SETBP1: variants seen among roughly 807,000 people sequenced by gnomAD.
SETBP1 encodes the protein SET binding protein 1, also known as SET-binding protein.
Under a neutral mutation model 101.0 loss-of-function variants are expected in SETBP1, and 9 were observed. The observed-to-expected ratio is 0.09, with a 90% CI of 0.05 to 0.16. The LOEUF is 0.16. SETBP1 is among the 10% of genes least tolerant of loss of function. SETBP1 has a pLI of 1.00. For synonymous variants in SETBP1, 818 were observed against 788.5 expected, an observed-to-expected ratio of 1.04 and a Z score of -0.63; for missense variants, 1,858 against 2,033.8, an observed-to-expected ratio of 0.91 and a Z score of 1.66.
At chr18:44,770,248 T>TGA (rs1485471822) in intron 2 of SETBP1, among the ~76,000 whole-genome samples, 5 of 152,180 alleles carry the variant, frequency 3.3e-5, no homozygotes, top group Non-Finnish European at 4.4e-5. Context: ...CATGTTTGGA[T>TGA]GAGAGAGAGC....
At chr18:45,004,994 G>A (rs1383056552) in intron 4 of SETBP1, among the ~76,000 whole-genome samples, 2 of 152,174 alleles carry the variant, frequency 1.3e-5, no homozygotes, top group African/African-American at 4.8e-5. Context: ...GGATGTGATT[G>A]TTATTTTAAA....
rs575067509 is a variant in SETBP1, at chr18:44,972,945, G to A, written c.4000+19605G>A. 5.3e-5 allele frequency among the ~76,000 whole-genome samples: 8 copies of A among 152,270 alleles called. No homozygotes were observed. In the South Asian group the frequency reaches 1.7e-3, roughly 32 times the overall value. On this transcript the variant is annotated intron_variant, in intron 4 of 5. Coordinates refer to ENST00000649279, the MANE Select transcript of SETBP1 (RefSeq NM_015559.3). ...AGGAGTGGTGAGAGAGGGCATCCCTGTCTTGTGCCAGTTTTCAAAGGGAAT... is the reference window on the plus strand; with the variant it reads ...AGGAGTGGTGAGAGAGGGCATCCCTATCTTGTGCCAGTTTTCAAAGGGAAT...
intron 2 of SETBP1, among the ~76,000 whole-genome samples, chr18:44,806,623 CTTTTTTTTTTTTTTTTTTTTT>C (rs71177656): frequency 3.1e-3 from 85 of 27,830 alleles, no homozygotes; most frequent in African/African-American, 7.8e-3. Flanking sequence ...TAATGAGCTC[CTTTTTTTTTTTTTTTTTTTTT>C]TTTTTTTTTT....
chr18:44,713,338 C>T (rs570289435), intron 2 of SETBP1, among the ~76,000 whole-genome samples: 2 of 151,548 alleles, frequency 1.3e-5, no homozygotes, highest in African/African-American at 4.9e-5. Context: ...AAGGCCTTCA[C>T]GGGGGGGGAC....
At chr18:45,022,455 C>T (rs145197866) in intron 4 of SETBP1, among the ~76,000 whole-genome samples, 3 of 152,284 alleles carry the variant, frequency 2.0e-5, no homozygotes, top group African/African-American at 7.2e-5. Flanking sequence ...GTCCTTCCTC[C>T]CCAACAGTGA....
chr18:44,999,416 G>T (rs1165306819), intron 4 of SETBP1, among the ~76,000 whole-genome samples: 1 of 152,166 alleles, frequency 6.6e-6, no homozygotes, highest in Non-Finnish European at 1.5e-5. Context: ...CTCCTGTTTT[G>T]TTCTTAACAT....
intron 4 of SETBP1, among the ~76,000 whole-genome samples, chr18:45,011,252 C>T (rs1261684302): frequency 6.6e-6 from 1 of 152,136 alleles, no homozygotes. Context: ...CTAACATGCA[C>T]CACCTATCAG....
chr18:44,767,919 T>C (rs188768995), intron 2 of SETBP1, among the ~76,000 whole-genome samples: 4 of 152,346 alleles, frequency 2.6e-5, no homozygotes, highest in Admixed American at 6.5e-5. Context: ...TTTGAAACAG[T>C]GTCCTGAGAA....
At chr18:44,750,250 G>A (rs1399097845) in intron 2 of SETBP1, among the ~76,000 whole-genome samples, 2 of 152,202 alleles carry the variant, frequency 1.3e-5, no homozygotes, top group Admixed American at 6.5e-5. Flanking sequence ...TACATTCAAG[G>A]TGGCAGTAGA....
chr18:44,827,136 T>C lies in SETBP1; in HGVS notation c.487-42094T>C, dbSNP rs1217370312. On this transcript the variant is annotated intron_variant, in intron 2 of 5. Coordinates refer to ENST00000649279, the MANE Select transcript of SETBP1 (RefSeq NM_015559.3). ...GACATGTTCTATTTGATGACAAATG[T>C]CTTTTTCTTTTTAAAGAAAAGAAAC... Among the ~76,000 whole-genome samples, 6 of 152,214 alleles carry C rather than the reference T, an allele frequency of 3.9e-5. No homozygotes were observed. The East Asian group carries it at 9.6e-4, about 24-fold the overall frequency.
chr18:44,761,355 A>G (rs1369635221), intron 2 of SETBP1, among the ~76,000 whole-genome samples: 3 of 152,232 alleles, frequency 2.0e-5, no homozygotes, highest in African/African-American at 7.2e-5. Flanking sequence ...GTAATAGAAT[A>G]CCACAACTTA....
intron 5 of SETBP1, among the ~76,000 whole-genome samples, chr18:45,046,257 C>T (rs561966746): frequency 6.6e-6 from 1 of 152,240 alleles, no homozygotes; most frequent in South Asian, 2.1e-4. Context: ...CCTGCACAAA[C>T]GTGTTTGGTT....
At chr18:44,919,065 T>A (rs928617155) in intron 3 of SETBP1, among the ~76,000 whole-genome samples, 11 of 152,378 alleles carry the variant, frequency 7.2e-5, no homozygotes, top group African/African-American at 2.6e-4. Context: ...GTTCCTGTAC[T>A]AGACCTTGAG....
chr18:44,945,589 C>T (rs1318343795), intron 3 of SETBP1, among the ~76,000 whole-genome samples: 1 of 152,072 alleles, frequency 6.6e-6, no homozygotes, highest in African/African-American at 2.4e-5. Context: ...TGGGAGGCAG[C>T]CAGGCAGCCA....
At chr18:44,922,382 G>A (rs1213318766) in intron 3 of SETBP1, among the ~76,000 whole-genome samples, 1 of 152,194 alleles carries the variant, frequency 6.6e-6, no homozygotes, top group Non-Finnish European at 1.5e-5. Flanking sequence ...ATTGCAAAAC[G>A]GATGGTCTTT....
chr18:45,058,173 G>C (rs1364932189), intron 5 of SETBP1, among the ~76,000 whole-genome samples: 1 of 152,198 alleles, frequency 6.6e-6, no homozygotes, highest in Non-Finnish European at 1.5e-5. Context: ...AACTAACAAA[G>C]AGCAGGCAAG....
intron 3 of SETBP1, among the ~76,000 whole-genome samples, chr18:44,902,378 G>A (rs891336865): frequency 2.0e-5 from 3 of 150,840 alleles, no homozygotes; most frequent in Admixed American, 6.7e-5. Context: ...TTTCATGTAT[G>A]TACCTTTTAA....
chr18:44,707,537 C>G (rs1464063888), intron 2 of SETBP1, among the ~76,000 whole-genome samples: 1 of 152,188 alleles, frequency 6.6e-6, no homozygotes, highest in East Asian at 1.9e-4. Flanking sequence ...CCTAGAAGCA[C>G]ATTCAGGATT....
At chr18:44,934,755 A>G (rs1054334319) in intron 3 of SETBP1, among the ~76,000 whole-genome samples, 3 of 152,190 alleles carry the variant, frequency 2.0e-5, no homozygotes, top group Non-Finnish European at 2.9e-5. Flanking sequence ...CCAAGGTCAC[A>G]CAGCTAGTAA....
Sources: gnomAD v4.1 joint callset for allele counts (sites outside exome capture counted in the v4.1 genomes callset) on GRCh38, gnomAD v4.1.1 for gene constraint, MANE v1.5 for transcripts, NCBI Gene and HGNC (gene_info 2026-07-23, HGNC 2026-07-21) for gene names.